Variants in DKKL1 observed in about 807,000 individuals in gnomAD.
DKKL1 encodes dickkopf like acrosomal protein 1, also known as dickkopf-like protein 1.
DKKL1 carries 11 observed loss-of-function variants against 16.5 expected under a neutral mutation model. That is an observed-to-expected ratio of 0.67 (90% confidence interval 0.42 to 1.10). The LOEUF (loss-of-function observed/expected upper bound fraction) is 1.10, where lower values mean the gene tolerates loss of function less well. Ranked by LOEUF, DKKL1 falls within the 50% of genes least tolerant of loss-of-function variation. The pLI is 0.00. For missense variants in DKKL1, 320 were observed against 308.1 expected (o/e 1.04, Z -0.29); for synonymous variants, 119 against 133.2 (o/e 0.89, Z 0.73).
At chr19:49,369,464 T>A (rs1973388281) in intron 4 of DKKL1, 1 of 152,120 alleles carries the variant, frequency 6.6e-6, no homozygotes, top group South Asian at 2.1e-4. Flanking sequence ...CAAGAGAAGT[T>A]TTTCTTAAAA....
Position 49,364,468 on chromosome 19 carries a change from G to C in DKKL1, c.11-114G>C, listed in dbSNP as rs1408863944. Reference sequence around the variant, plus strand: ...GAAAGAAGCAGTGGGGGAAATGAGCGCGGTGTGGGAGTTGCCTGAACTGGG... The same window carrying C: ...GAAAGAAGCAGTGGGGGAAATGAGCCCGGTGTGGGAGTTGCCTGAACTGGG... On this transcript the variant is annotated intron_variant, in intron 1 of 4. Transcript: ENST00000221498. 8 of 787,416 alleles carry C rather than the reference G, an allele frequency of 1.0e-5. No homozygotes were observed. In the Admixed American group the frequency reaches 2.4e-4, roughly 24 times the overall value. The allele number at this position is 787,416 out of a possible 1,614,324, so 48.8% of individuals were successfully genotyped here.
Position 49,364,652 on chromosome 19 carries a change from C to T in DKKL1, c.81C>T (p.Pro27=). 2 of 1,614,010 alleles carry T rather than the reference C, an allele frequency of 1.2e-6. No homozygotes were observed. The highest frequency in any genetic ancestry group is 1.7e-6 in the Non-Finnish European group (2 of 1,180,048). The change falls in exon 2 of 5, where the codon CCC becomes CCT. Residue 27 remains proline, a synonymous_variant. Coordinates refer to ENST00000221498, the MANE Select transcript of DKKL1 (RefSeq NM_014419.4). ...TGCTCCTCTCTACCCTGGTGATCCCCTCCGCTGCAGCTCCTATCCATGATG... is the reference window on the plus strand; with the variant it reads ...TGCTCCTCTCTACCCTGGTGATCCCTTCCGCTGCAGCTCCTATCCATGATG... ...LLLLLSTLVI[P]SAAAPIHDAD... is the part of the protein sequence containing the mutation.
At chr19:49,364,167 T>A (rs538733750) in intron 1 of DKKL1, among the ~76,000 whole-genome samples, 159 bp downstream of exon 1, 1 of 152,180 alleles carries the variant, frequency 6.6e-6, no homozygotes, top group South Asian at 2.1e-4. Flanking sequence ...CTGGGCAATA[T>A]GTCGAAACCC....
At chr19:49,373,710 T>C (rs2146805192) in intron 4 of DKKL1, among the ~76,000 whole-genome samples, 1 of 152,090 alleles carries the variant, frequency 6.6e-6, no homozygotes, top group Non-Finnish European at 1.5e-5. Context: ...CCTCAAGTGA[T>C]CTGCCCACCT....
chr19:49,363,394 TA>T (rs1391948401), upstream of DKKL1, among the ~76,000 whole-genome samples: 4 of 152,158 alleles, frequency 2.6e-5, no homozygotes, highest in Admixed American at 6.5e-5. Context: ...CCGAAACAGA[TA>T]CACAATTAGA....
chr19:49,374,302 T>G (rs1973635540), intron 4 of DKKL1, among the ~76,000 whole-genome samples: 1 of 152,200 alleles, frequency 6.6e-6, no homozygotes, highest in East Asian at 1.9e-4. Context: ...AAGCTTTTGA[T>G]TCAGGATCAA....
upstream of DKKL1, chr19:49,363,850 C>T: frequency 4.3e-6 from 5 of 1,163,262 alleles, no homozygotes; most frequent in Non-Finnish European, 2.4e-6. Context: ...GGCTACGGCT[C>T]GCGGAGCGCA....
At position 49,375,085 on chromosome 19, in the gene DKKL1, C is replaced by T. The variant is rs1053014433; in HGVS notation, c.*57C>T. 4.2e-5 allele frequency: 63 copies of T among 1,499,782 alleles called. No homozygotes were observed. The highest frequency in any genetic ancestry group is 6.6e-5 in the Admixed American group (3 of 45,162). 92.9% of individuals were successfully genotyped at this position (1,499,782 alleles called of 1,614,324 possible). A position where few individuals can be genotyped will look rare whatever the true frequency, so the allele number is the denominator to read the frequency against. On this transcript the variant is annotated 3_prime_UTR_variant, in exon 5 of 5. Coordinates refer to ENST00000221498, the MANE Select transcript of DKKL1 (RefSeq NM_014419.4). ...CCCCATCAGACCCTGCCCCAAGCAC[C>T]ATATGGAAATAAAGTTCTTTCTTAC...
At chr19:49,372,688 C>A (rs1186038476) in intron 4 of DKKL1, among the ~76,000 whole-genome samples, 1 of 134,892 alleles carries the variant, frequency 7.4e-6, no homozygotes, top group African/African-American at 2.9e-5. Flanking sequence ...AGCGAGACTC[C>A]GTCTCAAAAA....
intron 4 of DKKL1, among the ~76,000 whole-genome samples, chr19:49,371,421 T>C (rs543608657): frequency 2.0e-5 from 3 of 152,350 alleles, no homozygotes; most frequent in East Asian, 1.9e-4. Flanking sequence ...CAAGCTGTCA[T>C]TGCGTCATCA....
rs1326687682 is a variant in DKKL1 at position 49,365,814 on chromosome 19, G to C, written c.346G>C (p.Glu116Gln). 6.2e-7 allele frequency: 1 copy of C among 1,614,158 alleles called. No individual in the cohort carries two copies. Among genetic ancestry groups the C allele is most frequent in the South Asian group, 1.1e-5 (1 of 91,086 alleles). ...ACAGATGACCGACAACAAGACAGGA[G>C]AGGTGCTGATCTCCGAGAATGTGGT... ...IDKMTDNKTG[E>Q]VLISENVVAS... is the part of the protein sequence containing the mutation. The change falls in exon 4 of 5, where the codon GAG becomes CAG. Residue 116 changes from glutamate (E) to glutamine (Q), a missense_variant. Physicochemically the swap from Glu to Gln is conservative, Grantham distance 29 (BLOSUM62 2). Transcript: ENST00000221498.
chr19:49,370,203 A>C (rs1973423076), intron 4 of DKKL1: 1 of 152,264 alleles, frequency 6.6e-6, no homozygotes, highest in East Asian at 1.9e-4. Context: ...AAAAGGTGCC[A>C]TGGAGGATCC....
rs574261175 is a variant in DKKL1, at chr19:49,365,238, CAG to C, written c.184-267_184-266del. Among the ~76,000 whole-genome samples, 330 of 151,636 alleles carry C rather than the reference CAG, an allele frequency of 2.2e-3. 2 individuals carry two copies. The highest frequency in any genetic ancestry group is 7.4e-3 in the African/African-American group (307 of 41,300). On this transcript the variant is annotated intron_variant, in intron 2 of 4. Coordinates refer to ENST00000221498, the MANE Select transcript of DKKL1 (RefSeq NM_014419.4). Reference sequence around the variant, plus strand: ...ACAGGCAAAGAGAGAGGAGATGGGACAGAGACAAGAGACTGGGGAAAGAGACA... The same window carrying C: ...ACAGGCAAAGAGAGAGGAGATGGGACAGACAAGAGACTGGGGAAAGAGACA...
At position 49,365,050 on chromosome 19, in the gene DKKL1, C is replaced by A. The variant is rs143002502; in HGVS notation, c.183+296C>A. Among the ~76,000 whole-genome samples, 189 of 152,220 alleles carry A rather than the reference C, an allele frequency of 1.2e-3. 1 individual carries two copies. The East Asian group carries it at 0.033, about 27-fold the overall frequency. On this transcript the variant is annotated intron_variant, in intron 2 of 4. Transcript: ENST00000221498. ...TTGCAGGTACATGCGCCTATAATCC[C>A]AGCTGCTTGGGAGGCTGAGGCAGAA...
chr19:49,369,468 CT>C (rs1420098128), intron 4 of DKKL1: 1 of 152,154 alleles, frequency 6.6e-6, no homozygotes, highest in Non-Finnish European at 1.5e-5. Flanking sequence ...AGAAGTTTTT[CT>C]TAAAATAGTA....
At position 49,375,028 on chromosome 19, in the gene DKKL1, G is replaced by A. The variant is rs1430631035; in HGVS notation, c.729G>A (p.Ter243=). ...TCCTCAGGCCCTCTCGGCAGCTGTA[G>A]GGGTGGGGACCGGGGAGCACCTGCC... ...LYILRPSRQL[*] is the part of the protein sequence containing the mutation. The change falls in exon 5 of 5, where the codon TAG becomes TAA. Residue 243 remains the stop codon, a stop_retained_variant. Coordinates refer to ENST00000221498, the MANE Select transcript of DKKL1 (RefSeq NM_014419.4). The A allele has an allele frequency of 2.5e-6, 4 of 1,601,150 alleles. No homozygotes were observed. The highest frequency in any genetic ancestry group is 3.4e-6 in the Non-Finnish European group (4 of 1,173,660).
At chr19:49,364,077 C>A (rs1973141588) in intron 1 of DKKL1, 69 bp downstream of exon 1, 1 of 1,591,012 alleles carries the variant, frequency 6.3e-7, no homozygotes, top group African/African-American at 1.3e-5. Flanking sequence ...AGGCCGGGTG[C>A]TGTGGCTTAC....
intron 4 of DKKL1, among the ~76,000 whole-genome samples, chr19:49,371,666 G>C (rs1973493277): frequency 6.6e-6 from 1 of 150,872 alleles, no homozygotes; most frequent in South Asian, 2.1e-4. Context: ...TACATGTGCA[G>C]ACATGCAGTT....
At chr19:49,363,475 T>A (rs73066927), upstream of DKKL1, 42,664 of 195,466 alleles carry the variant, frequency 0.22, 5,006 homozygotes, top group Non-Finnish European at 0.24. Flanking sequence ...GAACTTGGGG[T>A]GATGAGGGCA....
Sources: gnomAD v4.1 joint callset for allele counts (sites outside exome capture counted in the v4.1 genomes callset) on GRCh38, gnomAD v4.1.1 for gene constraint, MANE v1.5 for transcripts, NCBI Gene and HGNC (gene_info 2026-07-23, HGNC 2026-07-21) for gene names.